Variants in GRAMD1B observed in about 807,000 individuals in gnomAD.
The protein encoded by GRAMD1B is GRAM domain containing 1B, also known as protein Aster-B.
Under a neutral mutation model 99.7 loss-of-function variants are expected in GRAMD1B, and 37 were observed. The ratio of observed to expected loss-of-function variants is 0.37; its 90% CI spans 0.29 to 0.49. GRAMD1B has a LOEUF of 0.49. GRAMD1B is among the 20% of genes least tolerant of loss of function. The pLI, the probability that GRAMD1B is intolerant of heterozygous loss-of-function variation, is 0.98. For synonymous variants in GRAMD1B, 427 were observed against 387.6 expected (o/e 1.10, Z -1.19); for missense variants, 888 against 1,009.2 (o/e 0.88, Z 1.63).
chr11:123,622,566 A>G lies in GRAMD1B; in HGVS notation c.2605A>G (p.Ser869Gly), dbSNP rs1026118502. 11 of 1,556,372 alleles carry G rather than the reference A, an allele frequency of 7.1e-6. No individual in the cohort carries two copies. The African/African-American group carries it at 1.4e-4, about 19-fold the overall frequency. ...GIRSRDYTSE[S>G]EEKRNRYH ...CAGGTCCCGCGACTACACGTCGGAA[A>G]GTGAAGAAAAGAGGAATCGCTATCA... The change falls in exon 20 of 20, where the codon AGT (serine) becomes GGT (glycine). Residue 869 changes from serine (S) to glycine (G), a missense_variant. Around this residue, in one of 5 missense-constraint regions of GRAMD1B, gnomAD observed 232 missense variants for 261.7 expected, o/e 0.89. Transcript: ENST00000635736.
chr11:123,560,853 G>T (rs1946688616), intron 2 of GRAMD1B, among the ~76,000 whole-genome samples: 1 of 152,034 alleles, frequency 6.6e-6, no homozygotes. Flanking sequence ...CTCATCTGAC[G>T]CAGGCTGCTC....
At chr11:123,481,234 C>A (rs1043478981) in intron 2 of GRAMD1B, among the ~76,000 whole-genome samples, 2 of 152,096 alleles carry the variant, frequency 1.3e-5, no homozygotes, top group African/African-American at 4.8e-5. Context: ...GCGGGCGGAT[C>A]ACTTGAGATC....
intron 19 of GRAMD1B, 52 bp from the exon 20 acceptor site, chr11:123,622,454 A>T: frequency 9.1e-7 from 1 of 1,092,948 alleles, no homozygotes; most frequent in Non-Finnish European, 1.4e-6. Context: ...TCGGTGGAGA[A>T]TCCCACTAAA....
At chr11:123,531,493 C>G (rs190211940) in intron 2 of GRAMD1B, among the ~76,000 whole-genome samples, 3 of 152,200 alleles carry the variant, frequency 2.0e-5, no homozygotes, top group Non-Finnish European at 4.4e-5. Context: ...TGTTGCAGAT[C>G]AGATTATGAG....
chr11:123,613,394 G>A, intron 15 of GRAMD1B, 61 bp from the exon 16 acceptor site: 1 of 1,214,234 alleles, frequency 8.2e-7, no homozygotes, highest in Non-Finnish European at 1.2e-6. Flanking sequence ...AAATGGTTCT[G>A]CAGAGAGTTG....
chr11:123,473,037 C>T lies in GRAMD1B; in HGVS notation c.375-7779C>T, dbSNP rs148599995. Among the ~76,000 whole-genome samples the T allele has an allele frequency of 3.2e-3, 490 of 151,996 alleles. 1 individual carries two copies. The highest frequency in any genetic ancestry group is 4.6e-3 in the Non-Finnish European group (314 of 68,004). On this transcript the variant is annotated intron_variant, in intron 1 of 19. Coordinates refer to ENST00000635736, the MANE Select transcript of GRAMD1B (RefSeq NM_001387025.1). ...AACAGGAAAATCTTACGGAGGACTT[C>T]CTTACCCTCACTATCTGCCTAAATA...
intron 3 of GRAMD1B, 47 bp from the exon 4 acceptor site, chr11:123,584,265 T>C: frequency 3.5e-6 from 3 of 867,078 alleles, no homozygotes; most frequent in South Asian, 1.5e-5. Flanking sequence ...CTTCCCCCCA[T>C]TTCTTCCCTG....
intron 2 of GRAMD1B, among the ~76,000 whole-genome samples, chr11:123,558,711 T>C (rs1377741684): frequency 6.6e-6 from 1 of 152,210 alleles, no homozygotes; most frequent in Non-Finnish European, 1.5e-5. Flanking sequence ...GGAGGGAGGC[T>C]GAAATTGGGG....
intron 2 of GRAMD1B, among the ~76,000 whole-genome samples, chr11:123,575,471 C>T (rs1264389529): frequency 6.6e-6 from 1 of 152,166 alleles, no homozygotes; most frequent in Admixed American, 6.6e-5. Context: ...CTCATGCCAC[C>T]ACTCCCAACT....
chr11:123,457,034 C>A (rs1413256678), intron 1 of GRAMD1B, among the ~76,000 whole-genome samples: 2 of 150,102 alleles, frequency 1.3e-5, no homozygotes, highest in Non-Finnish European at 3.0e-5. Flanking sequence ...ATTGCTTAAG[C>A]CCAGGAGGTC....
chr11:123,418,745 A>G (rs1948319949), intron 1 of GRAMD1B, among the ~76,000 whole-genome samples: 1 of 152,214 alleles, frequency 6.6e-6, no homozygotes, highest in Non-Finnish European at 1.5e-5. Flanking sequence ...ATTGTGGCAG[A>G]AGAACAATTT....
intron 1 of GRAMD1B, among the ~76,000 whole-genome samples, chr11:123,403,573 T>A (rs12290808): frequency 6.6e-6 from 1 of 151,230 alleles, no homozygotes; most frequent in African/African-American, 2.4e-5. Context: ...GACAGAGTCT[T>A]ACTCCATCAC....
At position 123,439,677 on chromosome 11, in the gene GRAMD1B, C is replaced by T. The variant is rs371303514; in HGVS notation, c.374+8511C>T. ...AGGAATGAGATGACCAGGCACGTCACGGAGGCAGTGCAGGGTCAGAGCTGA... is the reference window on the plus strand; with the variant it reads ...AGGAATGAGATGACCAGGCACGTCATGGAGGCAGTGCAGGGTCAGAGCTGA... On this transcript the variant is annotated intron_variant, in intron 1 of 19. Coordinates refer to ENST00000635736, the MANE Select transcript of GRAMD1B (RefSeq NM_001387025.1). Among the ~76,000 whole-genome samples the T allele has an allele frequency of 5.9e-5, 9 of 152,122 alleles. No homozygotes were observed. In the South Asian group the frequency reaches 6.2e-4, roughly 11 times the overall value.
In GRAMD1B at chr11:123,487,751, C is replaced by T. The variant is rs150801622; in HGVS notation, c.452+6858C>T. ...TCCTGAGTAGCTGGGTTTAGCTGGG[C>T]GCCCGCCATCATGCCCAGCTAATTT... On this transcript the variant is annotated intron_variant, in intron 2 of 19. Coordinates refer to ENST00000635736, the MANE Select transcript of GRAMD1B (RefSeq NM_001387025.1). 9.3e-3 allele frequency among the ~76,000 whole-genome samples: 1,420 copies of T among 152,212 alleles called. 25 individuals are homozygous for T. Among genetic ancestry groups the T allele is most frequent in the African/African-American group, 0.032 (1,349 of 41,526 alleles).
intron 2 of GRAMD1B, chr11:123,559,690 A>T (rs1946501634): frequency 1.0e-6 from 1 of 984,982 alleles, no homozygotes; most frequent in Admixed American, 6.2e-5. Flanking sequence ...TTTGCCACGA[A>T]TGTAAGTGCT....
chr11:123,613,426 C>A (rs769050514), intron 15 of GRAMD1B, 29 bp from the exon 16 acceptor site: 9 of 1,535,928 alleles, frequency 5.9e-6, no homozygotes, highest in East Asian at 2.3e-5. Flanking sequence ...TGAAGGTGGC[C>A]TCTCCTGTGG....
At chr11:123,588,024 C>T (rs990520248) in intron 4 of GRAMD1B, among the ~76,000 whole-genome samples, 1 of 151,264 alleles carries the variant, frequency 6.6e-6, no homozygotes, top group African/African-American at 2.4e-5. Flanking sequence ...CTTCTCTACC[C>T]TTCTCCATAG....
At chr11:123,541,655 C>T (rs1013925511) in intron 2 of GRAMD1B, among the ~76,000 whole-genome samples, 1 of 151,834 alleles carries the variant, frequency 6.6e-6, no homozygotes, top group Non-Finnish European at 1.5e-5. Context: ...AGTACTTTCC[C>T]AGAGTTTCTT....
chr11:123,599,593 C>A, intron 7 of GRAMD1B: 1 of 394,642 alleles, frequency 2.5e-6, no homozygotes, highest in Non-Finnish European at 4.8e-6. Flanking sequence ...GTGCCTCAGC[C>A]TCCGGAATAG....
Sources: gnomAD v4.1 joint callset for allele counts (sites outside exome capture counted in the v4.1 genomes callset) on GRCh38, gnomAD v4.1.1 for gene constraint, gnomAD v4.1.1 regional missense constraint, MANE v1.5 for transcripts, NCBI Gene and HGNC (gene_info 2026-07-23, HGNC 2026-07-21) for gene names.